Variants in ZFHX3 observed in about 807,000 individuals in gnomAD.
ZFHX3 encodes the protein zinc finger homeobox protein 3.
ZFHX3 carries 42 observed loss-of-function variants against 279.1 expected under a neutral mutation model. The observed-to-expected ratio is 0.15, with a 90% CI of 0.12 to 0.19. The LOEUF (loss-of-function observed/expected upper bound fraction) is 0.19, where lower values mean the gene tolerates loss of function less well. ZFHX3 is among the 10% of genes least tolerant of loss of function. The pLI is 1.00. For synonymous variants in ZFHX3, 2,293 were observed against 1,957.8 expected (o/e 1.17, Z -4.52); for missense variants, 4,981 against 4,754.0 (o/e 1.05, Z -1.40).
chr16:73,032,221 G>A, intron 1 of ZFHX3, among the ~76,000 whole-genome samples: 1 of 152,082 alleles, frequency 6.6e-6, no homozygotes, highest in East Asian at 1.9e-4. Context: ...AGGATCGCTT[G>A]AGCCCAGGAG....
At chr16:73,473,972 T>C (rs769030596) in intron 2 of ZFHX3, among the ~76,000 whole-genome samples, 2 of 152,188 alleles carry the variant, frequency 1.3e-5, no homozygotes, top group Non-Finnish European at 2.9e-5. Flanking sequence ...TTGGATTTGT[T>C]TCTGTGCCCA....
At chr16:72,827,501 C>T (rs957871463) in intron 5 of ZFHX3, among the ~76,000 whole-genome samples, 78 of 152,264 alleles carry the variant, frequency 5.1e-4, no homozygotes, top group African/African-American at 1.7e-3. Flanking sequence ...GCACCCAAAT[C>T]GTGACAACAA....
chr16:73,469,307 C>A (rs1472060713), intron 2 of ZFHX3, among the ~76,000 whole-genome samples: 1 of 152,144 alleles, frequency 6.6e-6, no homozygotes, highest in Non-Finnish European at 1.5e-5. Context: ...AGCAAGCGAA[C>A]ATAGAGCCAA....
chr16:73,094,711 G>C (rs572223810), intron 7 of ZFHX3, among the ~76,000 whole-genome samples: 29 of 152,174 alleles, frequency 1.9e-4, no homozygotes, highest in African/African-American at 5.8e-4. Context: ...TGTCGTTGTT[G>C]TTGCTGTTGT....
chr16:73,607,325 C>A (rs967902210), intron 2 of ZFHX3, among the ~76,000 whole-genome samples: 10 of 152,224 alleles, frequency 6.6e-5, no homozygotes, highest in Non-Finnish European at 7.3e-5. Context: ...CCATGCCCAG[C>A]CGATCTCATT....
intron 5 of ZFHX3, among the ~76,000 whole-genome samples, chr16:73,231,831 T>G (rs979412572): frequency 1.3e-5 from 2 of 152,188 alleles, no homozygotes; most frequent in East Asian, 3.9e-4. Flanking sequence ...GCTCTCTACA[T>G]AGGCTCCAAA....
Position 73,879,855 on chromosome 16 carries a change from A to T in ZFHX3, c.-1608+11796T>A, listed in dbSNP as rs147652877. ...CACACACACACAGTTAAAGCAATCA[A>T]CAAGGTCTCCAGACATTGTTAGATG... On this transcript the variant is annotated intron_variant, in intron 1 of 17. Transcript: ENST00000641206. Among the ~76,000 whole-genome samples, 513 of 152,146 alleles carry T rather than the reference A, an allele frequency of 3.4e-3. 13 individuals are homozygous for T. Among genetic ancestry groups the T allele is most frequent in the Admixed American group, 0.031 (474 of 15,284 alleles).
At chr16:73,371,063 T>C (rs1053934900) in intron 3 of ZFHX3, among the ~76,000 whole-genome samples, 4 of 152,042 alleles carry the variant, frequency 2.6e-5, no homozygotes, top group African/African-American at 9.7e-5. Context: ...GGCTCATGGC[T>C]GTAATCCCAG....
chr16:72,863,551 GAGAA>G (rs2037939704), intron 4 of ZFHX3, among the ~76,000 whole-genome samples: 1 of 151,672 alleles, frequency 6.6e-6, no homozygotes. Context: ...GAGAGAGAGA[GAGAA>G]AGAAATAGGG....
chr16:73,187,607 GT>G (rs1967942364), intron 5 of ZFHX3, among the ~76,000 whole-genome samples: 1 of 152,172 alleles, frequency 6.6e-6, no homozygotes, highest in Admixed American at 6.5e-5. Context: ...GCTTTTCAAA[GT>G]TCAGTTTTGC....
intron 3 of ZFHX3, among the ~76,000 whole-genome samples, chr16:73,399,827 T>G (rs909886927): frequency 1.0e-5 from 1 of 99,574 alleles, no homozygotes; most frequent in African/African-American, 4.2e-5. Flanking sequence ...GTGTGTGGAG[T>G]GTGGTGTGTG....
intron 3 of ZFHX3, among the ~76,000 whole-genome samples, chr16:72,892,748 T>C (rs959655412): frequency 6.6e-6 from 1 of 152,194 alleles, no homozygotes; most frequent in Non-Finnish European, 1.5e-5. Flanking sequence ...CTTCAAGCGA[T>C]CCACCCGCCT....
intron 5 of ZFHX3, among the ~76,000 whole-genome samples, chr16:73,215,098 T>C (rs978684427): frequency 2.0e-5 from 3 of 152,146 alleles, no homozygotes; most frequent in Non-Finnish European, 4.4e-5. Context: ...AAATTAAAAA[T>C]GTGAAACTAA....
At position 72,795,165 on chromosome 16, in the gene ZFHX3, T is replaced by C; in HGVS notation, c.7517A>G (p.His2506Arg). ...QSSPSPSQLS[H>R]LPLKPLHTST... ...TGTGTGGAGGGGCTTGAGGGGCAGGTGGGAGAGCTGGGAAGGACTGGGGCT... is the reference window on the plus strand; with the variant it reads ...TGTGTGGAGGGGCTTGAGGGGCAGGCGGGAGAGCTGGGAAGGACTGGGGCT... The change falls in exon 9 of 10, where the codon CAC becomes CGC. Residue 2506 changes from histidine (H) to arginine (R), a missense_variant. By Grantham distance (29) the His-to-Arg change is conservative. Around this residue, in one of 7 missense-constraint regions of ZFHX3, gnomAD observed 744 missense variants for 701.3 expected, o/e 1.06. Coordinates refer to ENST00000268489, the MANE Select transcript of ZFHX3 (RefSeq NM_006885.4). 1.1e-5 allele frequency: 17 copies of C among 1,594,658 alleles called. No individual in the cohort carries two copies. Among genetic ancestry groups the C allele is most frequent in the Non-Finnish European group, 1.4e-5 (17 of 1,173,412 alleles).
At chr16:73,770,319 GAA>G (rs1398480136) in intron 1 of ZFHX3, among the ~76,000 whole-genome samples, 1 of 152,188 alleles carries the variant, frequency 6.6e-6, no homozygotes, top group South Asian at 2.1e-4. Context: ...ACAGAAGGTG[GAA>G]AAAGAGAAGA....
chr16:73,881,560 C>T (rs1489625166), intron 1 of ZFHX3, among the ~76,000 whole-genome samples: 3 of 140,550 alleles, frequency 2.1e-5, no homozygotes, highest in Non-Finnish European at 1.5e-5. Context: ...TCTATAGCTT[C>T]ACTGTTCCAT....
At chr16:73,493,493 T>A (rs1833473343) in intron 2 of ZFHX3, among the ~76,000 whole-genome samples, 1 of 152,116 alleles carries the variant, frequency 6.6e-6, no homozygotes, top group Non-Finnish European at 1.5e-5. Context: ...AAATTTATAA[T>A]CCAAATGAGT....
chr16:73,883,712 T>C (rs2030254234), intron 1 of ZFHX3, among the ~76,000 whole-genome samples: 1 of 151,746 alleles, frequency 6.6e-6, no homozygotes, highest in Non-Finnish European at 1.5e-5. Flanking sequence ...AATATTTTTA[T>C]AAAAAAGACA....
chr16:73,152,597 C>T (rs1401955969), intron 5 of ZFHX3, among the ~76,000 whole-genome samples: 1 of 144,986 alleles, frequency 6.9e-6, no homozygotes, highest in African/African-American at 2.6e-5. Flanking sequence ...TGTATACAAA[C>T]TAGGGGCCTG....
Sources: allele counts gnomAD v4.1 joint callset (sites outside exome capture counted in the v4.1 genomes callset), GRCh38; gene constraint gnomAD v4.1.1; regional missense constraint gnomAD v4.1.1; transcripts MANE v1.5; gene names NCBI Gene and HGNC (gene_info 2026-07-23, HGNC 2026-07-21).